SLCO4A1: variants seen among roughly 807,000 people sequenced by gnomAD.
SLCO4A1 encodes colon organic anion transporter.
SLCO4A1 carries 51 observed loss-of-function variants against 64.6 expected under a neutral mutation model. The ratio of observed to expected loss-of-function variants is 0.79; its 90% CI spans 0.63 to 1.00. SLCO4A1 has a LOEUF of 1.00. Among genes scored for constraint, SLCO4A1 ranks in the 50% least tolerant of loss-of-function variants. The pLI is 0.00. For missense variants in SLCO4A1, 919 were observed against 980.5 expected (o/e 0.94, Z 0.84); for synonymous variants, 471 against 444.9 (o/e 1.06, Z -0.74).
chr20:62,658,815 CTCTGGAAGGGGGTTCAGAG>C (rs1200176467), intron 3 of SLCO4A1, 48 bp downstream of exon 3: 1 of 1,475,880 alleles, frequency 6.8e-7, no homozygotes, highest in East Asian at 2.4e-5. Flanking sequence ...GCCCACGTGT[CTCTGGAAGGGGGTTCAGAG>C]TCAGCAGGGC....
At chr20:62,655,791 A>G (rs1317882792) in intron 1 of SLCO4A1, among the ~76,000 whole-genome samples, 1 of 152,086 alleles carries the variant, frequency 6.6e-6, no homozygotes, top group African/African-American at 2.4e-5. Flanking sequence ...CACCTCCCAA[A>G]CTCTGCACGG....
chr20:62,665,139 AAC>A, intron 6 of SLCO4A1, 51 bp downstream of exon 6: 1 of 1,562,408 alleles, frequency 6.4e-7, no homozygotes. Flanking sequence ...AGTTCTCAGA[AAC>A]AGAGTCTTCA....
rs1340670111 is a variant in SLCO4A1 at position 62,645,887 on chromosome 20, G to A, written c.-97+3334G>A. ...AGGCATTGCCCCTCTGGCCCAAGCC[G>A]CAGGGAGAGCTTGCGATGCTTTGGG... is the stretch of plus-strand genomic sequence containing the variant. On this transcript the variant is annotated intron_variant, in intron 1 of 11. Coordinates refer to ENST00000217159, the MANE Select transcript of SLCO4A1 (RefSeq NM_016354.4). This position sits in a 1 kb window ranked among gnomAD's most constrained non-coding sequence, Gnocchi z 4.2. Among the ~76,000 whole-genome samples the A allele has an allele frequency of 2.6e-5, 4 of 152,092 alleles. No individual in the cohort carries two copies. Among genetic ancestry groups the A allele is most frequent in the Admixed American group, 6.5e-5 (1 of 15,280 alleles).
chr20:62,657,801 G>A (rs373847140), intron 2 of SLCO4A1, among the ~76,000 whole-genome samples: 2 of 152,222 alleles, frequency 1.3e-5, no homozygotes, highest in African/African-American at 4.8e-5. Context: ...GCCACATAGG[G>A]GTGTGGAAAA....
At chr20:62,668,225 T>TG (rs768110931) in intron 9 of SLCO4A1, 41 bp downstream of exon 9, 27 of 1,606,274 alleles carry the variant, frequency 1.7e-5, no homozygotes, top group Non-Finnish European at 3.4e-6. Context: ...GAGCTTTCCT[T>TG]GCAGCACCCT....
At chr20:62,682,902 A>T (rs1222217721) in intron 2 of SLCO4A1, among the ~76,000 whole-genome samples, 1 of 152,206 alleles carries the variant, frequency 6.6e-6, no homozygotes, top group Non-Finnish European at 1.5e-5. Context: ...AGCTGGACAC[A>T]GCATGAGGAC....
chr20:62,676,178 G>A (rs998355078), downstream of SLCO4A1, among the ~76,000 whole-genome samples: 18 of 152,314 alleles, frequency 1.2e-4, no homozygotes, highest in African/African-American at 3.6e-4. Context: ...ACTTTGGGAG[G>A]CTGAGGCAAG....
chr20:62,660,522 G>A lies in SLCO4A1; in HGVS notation c.998G>A (p.Arg333Gln), dbSNP rs145692715. Residue 333 changes from arginine to glutamine, a missense_variant, in exon 4 of 12, where the codon CGG becomes CAG. Transcript: ENST00000217159. Reference sequence around the variant, plus strand: ...GCCGTTCCCATCCTTGGTTACCCTCGGCAGCTGCCAGGTGGGTTTCCCTTC... The same window carrying A: ...GCCGTTCCCATCCTTGGTTACCCTCAGCAGCTGCCAGGTGGGTTTCCCTTC... ...FTAVPILGYP[R>Q]QLPGSQRYAV... 3.7e-6 allele frequency: 6 copies of A among 1,605,112 alleles called. No homozygotes were observed. Among genetic ancestry groups the A allele is most frequent in the African/African-American group, 2.7e-5 (2 of 74,896 alleles).
rs998803755 is a variant in SLCO4A1 at position 62,672,267 on chromosome 20, C to T, written c.*374C>T. On this transcript the variant is annotated 3_prime_UTR_variant, in exon 12 of 12. Transcript: ENST00000217159. ...TGTCCTCAGTTAAAACTGTGCATAT[C>T]GAAATATATTTTGTTATTTAAGCCT... 3.3e-5 allele frequency: 38 copies of T among 1,156,858 alleles called. No homozygotes were observed. Among genetic ancestry groups the T allele is most frequent in the Admixed American group, 8.8e-5 (2 of 22,628 alleles). The allele number at this position is 1,156,858 out of a possible 1,614,324, so 71.7% of individuals were successfully genotyped here. A position where few individuals can be genotyped will look rare whatever the true frequency, so the allele number is the denominator to read the frequency against.
chr20:62,667,095 C>T (rs1986491366), intron 7 of SLCO4A1, among the ~76,000 whole-genome samples: 1 of 152,236 alleles, frequency 6.6e-6, no homozygotes, highest in South Asian at 2.1e-4. Flanking sequence ...CACAAAGCAG[C>T]CGTTGTGGCA....
intron 1 of SLCO4A1, among the ~76,000 whole-genome samples, chr20:62,652,449 T>C: frequency 6.6e-6 from 1 of 152,052 alleles, no homozygotes; most frequent in East Asian, 1.9e-4. Flanking sequence ...CGCCTCCTCG[T>C]CAGTCCCGCC....
At chr20:62,676,025 A>C (rs1320623516), downstream of SLCO4A1, among the ~76,000 whole-genome samples, 1 of 152,190 alleles carries the variant, frequency 6.6e-6, no homozygotes, top group Non-Finnish European at 1.5e-5. Context: ...CTGTGCACTA[A>C]ATGTTCTTCA....
chr20:62,657,229 A>T lies in SLCO4A1; in HGVS notation c.775A>T (p.Ser259Cys). The stretch of plus-strand genomic sequence containing the variant: ...CTACCTGGATGAGAACGTCAAGTCC[A>T]GCTGCTCGCCCGTCTACATTGGTGA... Reference protein sequence around the residue: ...VTYLDENVKSSCSPVYIAIFY... With the variant: ...VTYLDENVKSCCSPVYIAIFY... Residue 259 changes from serine to cysteine, a missense_variant, in exon 2 of 12, where the codon AGC becomes TGC. By Grantham distance (112) the Ser-to-Cys change is moderately radical (BLOSUM62 -1). Coordinates refer to ENST00000217159, the MANE Select transcript of SLCO4A1 (RefSeq NM_016354.4). 1 of 1,535,578 alleles carries T rather than the reference A, an allele frequency of 6.5e-7. No individual in the cohort carries two copies. Among genetic ancestry groups the T allele is most frequent in the East Asian group, 2.5e-5 (1 of 40,504 alleles).
intron 3 of SLCO4A1, among the ~76,000 whole-genome samples, chr20:62,659,258 A>C (rs756406123): frequency 2.2e-4 from 33 of 152,248 alleles, no homozygotes; most frequent in Non-Finnish European, 4.3e-4. Context: ...ACAGGCAGAG[A>C]GAGACAGAGA....
At chr20:62,676,757 A>G (rs1281472820), downstream of SLCO4A1, among the ~76,000 whole-genome samples, 1 of 152,252 alleles carries the variant, frequency 6.6e-6, no homozygotes, top group Admixed American at 6.5e-5. Flanking sequence ...TTAACCATGG[A>G]ATTAGCAGAT....
downstream of SLCO4A1, among the ~76,000 whole-genome samples, chr20:62,673,156 G>A (rs1228596773): frequency 7.0e-6 from 1 of 142,768 alleles, no homozygotes; most frequent in Non-Finnish European, 1.6e-5. Context: ...CTGGGCCAGG[G>A]AGGGGCATGG....
intron 1 of SLCO4A1, chr20:62,648,872 C>T (rs778201259): frequency 6.6e-6 from 1 of 152,260 alleles, no homozygotes; most frequent in East Asian, 1.9e-4. Flanking sequence ...AGTGACCGCC[C>T]CTGGGCTCCT....
chr20:62,672,739 A>T (rs960994809), downstream of SLCO4A1: 3 of 152,048 alleles, frequency 2.0e-5, no homozygotes, highest in Non-Finnish European at 2.9e-5. Flanking sequence ...GGCCTTTAGG[A>T]GATGATTATG....
chr20:62,653,269 T>G (rs1982954586), intron 1 of SLCO4A1, among the ~76,000 whole-genome samples: 1 of 152,060 alleles, frequency 6.6e-6, no homozygotes, highest in Non-Finnish European at 1.5e-5. Context: ...GAGCCCAGCT[T>G]TGGGGGCTCA....
Sources: allele counts gnomAD v4.1 joint callset (sites outside exome capture counted in the v4.1 genomes callset), GRCh38; gene constraint gnomAD v4.1.1; non-coding constraint Gnocchi (gnomAD v3.1); transcripts MANE v1.5; gene names NCBI Gene and HGNC (gene_info 2026-07-23, HGNC 2026-07-21).